DCAF8L2: variants seen among roughly 807,000 people sequenced by gnomAD.
The protein encoded by DCAF8L2 is DDB1- and CUL4-associated factor 8-like protein 2.
For missense variants in DCAF8L2, 430 were observed against 490.7 expected (o/e 0.88, Z 1.17); for synonymous variants, 200 against 190.9 (o/e 1.05, Z -0.39).
chrX:27,689,601 A>C (rs72623779), intron 3 of DCAF8L2, among the ~76,000 whole-genome samples: 1 of 112,779 alleles, frequency 8.9e-6, no homozygotes, highest in Non-Finnish European at 1.9e-5. Flanking sequence ...TATAACTAGC[A>C]ATTGAAAGAT....
chrX:27,485,339 G>A, the DCAF8L2 span, among the ~76,000 whole-genome samples: 5 of 111,668 alleles, frequency 4.5e-5, no homozygotes, highest in Non-Finnish European at 9.4e-5. Context: ...GTACTGGTGA[G>A]CTACAATGAA....
chrX:27,607,826 G>C (rs1384435979), intron 1 of DCAF8L2, among the ~76,000 whole-genome samples: 1 of 110,907 alleles, frequency 9.0e-6, no homozygotes, highest in Non-Finnish European at 1.9e-5. Context: ...ATTAGTTTTA[G>C]TTTCTGTTTC....
At chrX:27,560,420 T>C in the DCAF8L2 span, among the ~76,000 whole-genome samples, 9 of 111,763 alleles carry the variant, frequency 8.1e-5, no homozygotes, top group African/African-American at 2.0e-4. Context: ...ACTAAGCCAG[T>C]CCATGAGTAA....
the DCAF8L2 span, among the ~76,000 whole-genome samples, chrX:27,580,686 C>T: frequency 1.8e-5 from 2 of 111,245 alleles, no homozygotes; most frequent in Non-Finnish European, 3.8e-5. Context: ...TTGATGAACA[C>T]TTCAGTTCTG....
At chrX:27,473,392 C>T in the DCAF8L2 span, among the ~76,000 whole-genome samples, 3 of 110,884 alleles carry the variant, frequency 2.7e-5, no homozygotes, top group African/African-American at 9.8e-5. Context: ...ATGGCATTTT[C>T]TAATATCCTT....
chrX:27,644,139 G>C (rs1928850799), intron 2 of DCAF8L2, among the ~76,000 whole-genome samples: 1 of 111,766 alleles, frequency 8.9e-6, no homozygotes, highest in Non-Finnish European at 1.9e-5. Flanking sequence ...CCATGACCCT[G>C]ATTTCCTTTT....
the DCAF8L2 span, among the ~76,000 whole-genome samples, chrX:27,581,384 T>G: frequency 1.8e-5 from 2 of 112,041 alleles, no homozygotes; most frequent in Non-Finnish European, 3.8e-5. Flanking sequence ...TTCCATGTGT[T>G]GTGTAAATAC....
the DCAF8L2 span, among the ~76,000 whole-genome samples, chrX:27,567,583 A>ATG: frequency 3.0e-4 from 28 of 93,178 alleles, no homozygotes; most frequent in African/African-American, 9.8e-4. Context: ...ATATATATAT[A>ATG]TATGAAAACA....
At chrX:27,697,552 A>G (rs1326611478) in intron 3 of DCAF8L2, among the ~76,000 whole-genome samples, 2 of 111,759 alleles carry the variant, frequency 1.8e-5, no homozygotes, top group Admixed American at 1.9e-4. Flanking sequence ...AAGCAATTCA[A>G]CAGAAACCCA....
the DCAF8L2 span, among the ~76,000 whole-genome samples, chrX:27,474,966 G>A: frequency 1.8e-5 from 2 of 111,181 alleles, no homozygotes; most frequent in Non-Finnish European, 1.9e-5. Context: ...TTGGAAGAGG[G>A]GCTGCTCTAA....
the DCAF8L2 span, among the ~76,000 whole-genome samples, chrX:27,472,228 T>A: frequency 3.6e-5 from 4 of 111,751 alleles, no homozygotes; most frequent in African/African-American, 1.3e-4. Context: ...CTTAAGCATT[T>A]GGACAGGCAA....
intron 2 of DCAF8L2, among the ~76,000 whole-genome samples, chrX:27,665,360 T>C (rs906514590): frequency 1.8e-5 from 2 of 111,815 alleles, no homozygotes; most frequent in Non-Finnish European, 3.8e-5. Context: ...AAGATGTGAC[T>C]GAATTGCTGC....
chrX:27,680,770 T>C (rs1010336787), intron 3 of DCAF8L2, among the ~76,000 whole-genome samples: 1 of 100,127 alleles, frequency 1.0e-5, no homozygotes, highest in Non-Finnish European at 1.9e-5. Flanking sequence ...CTGTGTCCTA[T>C]AGTTAAAGGA....
chrX:27,517,776 C>T, the DCAF8L2 span: 1 of 1,137,773 alleles, frequency 8.8e-7, no homozygotes, highest in Non-Finnish European at 1.2e-6. Context: ...CACATTGCTT[C>T]AAACTCATCG....
intron 3 of DCAF8L2, chrX:27,712,789 T>C (rs1048956101): frequency 8.9e-6 from 1 of 112,011 alleles, no homozygotes; most frequent in Non-Finnish European, 1.9e-5. Context: ...ATAGCTCATA[T>C]TTGTGGGAGG....
At position 27,747,322 on chromosome X, in the gene DCAF8L2, GA is replaced by G. The variant is rs1484282029; in HGVS notation, c.428del (p.Glu143GlyfsTer23). On this transcript the variant is annotated frameshift_variant, in exon 5 of 5. Transcript: ENST00000451261. LOFTEE classifies it low-confidence loss of function (END_TRUNC). ...EEEEEEEEEEEEEEEQPRAGP... is the reference protein window; with the variant it reads ...EEEEEEEEEEXEEEEQPRAGP... ...GGAGGAGGAGGAGGAGGAGGAGGAG[GA>G]GGAGGAAGAAGAACAGCCTCGGGCG... is the stretch of plus-strand genomic sequence containing the variant. 3 of 1,143,522 alleles carry G rather than the reference GA, an allele frequency of 2.6e-6. No homozygotes were observed. The highest frequency in any genetic ancestry group is 4.1e-5 in the South Asian group (2 of 49,210). 94.2% of individuals were successfully genotyped at this position (1,143,522 alleles called of 1,213,427 possible).
At chrX:27,593,941 C>G (rs1926232654) in intron 1 of DCAF8L2, among the ~76,000 whole-genome samples, 1 of 112,067 alleles carries the variant, frequency 8.9e-6, no homozygotes, top group Non-Finnish European at 1.9e-5. Flanking sequence ...GCTTGAAAGC[C>G]TGTTATTTGT....
At chrX:27,694,314 A>C (rs1930817611) in intron 3 of DCAF8L2, among the ~76,000 whole-genome samples, 1 of 111,481 alleles carries the variant, frequency 9.0e-6, no homozygotes, top group South Asian at 3.7e-4. Flanking sequence ...CGCAATATTC[A>C]CTTGTAACAA....
intron 1 of DCAF8L2, among the ~76,000 whole-genome samples, chrX:27,621,130 C>T (rs113751733): frequency 0.028 from 3,089 of 111,251 alleles, 36 homozygotes; most frequent in Middle Eastern, 0.047. Flanking sequence ...GTCATAGAGA[C>T]AAAAAGTAGA....
Sources: allele counts gnomAD v4.1 joint callset (sites outside exome capture counted in the v4.1 genomes callset), GRCh38; gene constraint gnomAD v4.1.1; transcripts MANE v1.5; gene names NCBI Gene and HGNC (gene_info 2026-07-23, HGNC 2026-07-21).